Variants in SEMA3C observed in about 807,000 individuals in gnomAD.
SEMA3C encodes semaphorin 3C, also known as semaphorin-3C.
In SEMA3C, 47 loss-of-function variants were observed where a neutral mutation model predicts 89.4. That is an observed-to-expected ratio of 0.53 (90% CI 0.42 to 0.67). SEMA3C has a LOEUF of 0.67. SEMA3C is among the 30% of genes least tolerant of loss of function. The pLI, the probability that SEMA3C is intolerant of heterozygous loss-of-function variation, is 0.00. For synonymous variants in SEMA3C, 310 were observed against 320.2 expected (o/e 0.97, Z 0.34); for missense variants, 839 against 929.1 (o/e 0.90, Z 1.26).
chr7:80,805,599 A>C, intron 7 of SEMA3C, 40 bp downstream of exon 7: 1 of 1,563,108 alleles, frequency 6.4e-7, no homozygotes, highest in Non-Finnish European at 8.7e-7. Flanking sequence ...AGTTAGTTTA[A>C]CACGATACTA....
intron 2 of SEMA3C, among the ~76,000 whole-genome samples, chr7:80,856,974 A>G (rs1226540329): frequency 6.6e-6 from 1 of 152,112 alleles, no homozygotes; most frequent in African/African-American, 2.4e-5. Context: ...AATCAACATT[A>G]TCCCCATCCT....
In SEMA3C at chr7:80,789,548, G is replaced by A. The variant is rs1419394398; in HGVS notation, c.1132-20C>T. On this transcript the variant is annotated intron_variant, in intron 11 of 17. Transcript: ENST00000265361. ...TGGACACTAGAAAGAAAGTTTTAAA[G>A]AACCAAGTTAATAAAATAGTTGTCT... 2 of 1,504,062 alleles carry A rather than the reference G, an allele frequency of 1.3e-6. No individual in the cohort carries two copies. The highest frequency in any genetic ancestry group is 2.4e-5 in the East Asian group (1 of 42,494). The allele number at this position is 1,504,062 out of a possible 1,614,324, so 93.2% of individuals were successfully genotyped here.
intron 15 of SEMA3C, among the ~76,000 whole-genome samples, chr7:80,757,100 A>G (rs1198821931): frequency 6.6e-6 from 1 of 152,214 alleles, no homozygotes; most frequent in Non-Finnish European, 1.5e-5. Context: ...TACTTTTAAT[A>G]CACAAAAGCT....
In SEMA3C at chr7:80,913,951, G is replaced by T. The variant is rs1792212169; in HGVS notation, c.103+2728C>A. 2.0e-5 allele frequency among the ~76,000 whole-genome samples: 3 copies of T among 152,308 alleles called. No homozygotes were observed. In the South Asian group the frequency reaches 6.2e-4, roughly 32 times the overall value. On this transcript the variant is annotated intron_variant, in intron 2 of 17. Coordinates refer to ENST00000265361, the MANE Select transcript of SEMA3C (RefSeq NM_006379.5). ...TGCACCGGAAGTAACACAAGACTGAGTGGTTTCTTCTCAAGTTCCACCCAG... is the reference window on the plus strand; with the variant it reads ...TGCACCGGAAGTAACACAAGACTGATTGGTTTCTTCTCAAGTTCCACCCAG...
chr7:80,882,999 A>G (rs1791384390), intron 2 of SEMA3C, among the ~76,000 whole-genome samples: 1 of 152,162 alleles, frequency 6.6e-6, no homozygotes, highest in Admixed American at 6.5e-5. Flanking sequence ...TGAAAGATAC[A>G]AAAGAGGATG....
chr7:80,902,803 T>G (rs1468346495), intron 2 of SEMA3C, among the ~76,000 whole-genome samples: 3 of 152,156 alleles, frequency 2.0e-5, no homozygotes, highest in Non-Finnish European at 4.4e-5. Context: ...CCATGGGTAT[T>G]TACACTTTTC....
intron 2 of SEMA3C, among the ~76,000 whole-genome samples, chr7:80,836,284 C>G (rs1173812990): frequency 6.6e-6 from 1 of 152,174 alleles, no homozygotes; most frequent in East Asian, 1.9e-4. Flanking sequence ...TTCCCCTTTT[C>G]TTTGCTTTTT....
rs186295251 is a variant in SEMA3C at position 80,832,909 on chromosome 7, T to G, written c.104-4164A>C. Among the ~76,000 whole-genome samples the G allele has an allele frequency of 6.0e-4, 91 of 152,318 alleles. 1 individual carries two copies. Among genetic ancestry groups the G allele is most frequent in the Admixed American group, 1.2e-3 (19 of 15,282 alleles). ...ATAAATACTAACTGATATTATCTTT[T>G]GAGGGTCCACAAACCCCCATCACGA... On this transcript the variant is annotated intron_variant, in intron 2 of 17. Coordinates refer to ENST00000265361, the MANE Select transcript of SEMA3C (RefSeq NM_006379.5).
intron 13 of SEMA3C, among the ~76,000 whole-genome samples, chr7:80,762,013 T>C (rs558609647): frequency 1.2e-3 from 178 of 145,208 alleles, no homozygotes; most frequent in Non-Finnish European, 2.1e-3. Context: ...TGCTTGAACC[T>C]GGGAGGCGAA....
At chr7:80,816,541 G>C (rs949830455) in intron 5 of SEMA3C, among the ~76,000 whole-genome samples, 1 of 152,096 alleles carries the variant, frequency 6.6e-6, no homozygotes, top group Non-Finnish European at 1.5e-5. Flanking sequence ...CAAATCCATT[G>C]TAAGATTGAT....
Position 80,789,547 on chromosome 7 carries a change from A to G in SEMA3C, c.1132-19T>C. The G allele has an allele frequency of 2.0e-6, 3 of 1,515,016 alleles. No individual in the cohort carries two copies. The highest frequency in any genetic ancestry group is 1.8e-6 in the Non-Finnish European group (2 of 1,118,414). 93.8% of individuals were successfully genotyped at this position (1,515,016 alleles called of 1,614,324 possible). A position where few individuals can be genotyped will look rare whatever the true frequency, so the allele number is the denominator to read the frequency against. On this transcript the variant is annotated intron_variant, in intron 11 of 17. Transcript: ENST00000265361. ...CTGGACACTAGAAAGAAAGTTTTAA[A>G]GAACCAAGTTAATAAAATAGTTGTC...
intron 15 of SEMA3C, among the ~76,000 whole-genome samples, chr7:80,754,350 T>G (rs1313138635): frequency 6.6e-6 from 1 of 152,204 alleles, no homozygotes; most frequent in African/African-American, 2.4e-5. Flanking sequence ...TATTTCTCTG[T>G]TTGTACACAA....
intron 2 of SEMA3C, among the ~76,000 whole-genome samples, chr7:80,892,724 G>T (rs578043683): frequency 6.6e-6 from 1 of 152,088 alleles, no homozygotes; most frequent in Non-Finnish European, 1.5e-5. Context: ...AAATTCAGGC[G>T]TAAGTATTTT....
At chr7:80,903,130 G>C (rs1408750515) in intron 2 of SEMA3C, among the ~76,000 whole-genome samples, 1 of 152,070 alleles carries the variant, frequency 6.6e-6, no homozygotes, top group African/African-American at 2.4e-5. Context: ...AACAATGAAG[G>C]TATGTTCTGA....
intron 2 of SEMA3C, among the ~76,000 whole-genome samples, chr7:80,831,863 A>G (rs1583920351): frequency 6.6e-6 from 1 of 152,346 alleles, no homozygotes; most frequent in East Asian, 1.9e-4. Flanking sequence ...TATAGGAGAA[A>G]TGAATATGCC....
At position 80,813,881 on chromosome 7, in the gene SEMA3C, T is replaced by C. The variant is rs1310241765; in HGVS notation, c.448-3180A>G. On this transcript the variant is annotated intron_variant, in intron 5 of 17. Transcript: ENST00000265361. ...TCAGCGTCTAACGTCAATTATTGCA[T>C]TGAAACACTTATTGATAAGATCTTT... is the stretch of plus-strand genomic sequence containing the variant. Among the ~76,000 whole-genome samples the C allele has an allele frequency of 2.6e-5, 4 of 152,292 alleles. No individual in the cohort carries two copies. In the East Asian group the frequency reaches 5.8e-4, roughly 22 times the overall value.
In SEMA3C at chr7:80,763,025, T is replaced by C. The variant is rs74644736; in HGVS notation, c.1444-1368A>G. Reference sequence around the variant, plus strand: ...AATTTTTGATCATCCCTTATAAATATGTACACACACATGCACACACACATA... The same window carrying C: ...AATTTTTGATCATCCCTTATAAATACGTACACACACATGCACACACACATA... On this transcript the variant is annotated intron_variant, in intron 13 of 17. Transcript: ENST00000265361. Among the ~76,000 whole-genome samples, 663 of 152,298 alleles carry C rather than the reference T, an allele frequency of 4.4e-3. 2 individuals carry two copies. The highest frequency in any genetic ancestry group is 7.2e-3 in the Non-Finnish European group (488 of 68,030).
chr7:80,782,422 C>A (rs1036565360), intron 12 of SEMA3C, among the ~76,000 whole-genome samples: 4 of 152,104 alleles, frequency 2.6e-5, no homozygotes, highest in African/African-American at 9.7e-5. Context: ...ACTGTCAACA[C>A]ATCAGGGATA....
chr7:80,804,962 T>TTTTTTG (rs1032320280), intron 7 of SEMA3C, among the ~76,000 whole-genome samples: 1 of 152,064 alleles, frequency 6.6e-6, no homozygotes, highest in African/African-American at 2.4e-5. Flanking sequence ...AGAATCTTCG[T>TTTTTTG]TTTTTGTTTT....
Sources: allele counts gnomAD v4.1 joint callset (sites outside exome capture counted in the v4.1 genomes callset), GRCh38; gene constraint gnomAD v4.1.1; transcripts MANE v1.5; gene names NCBI Gene and HGNC (gene_info 2026-07-23, HGNC 2026-07-21).